The following CLMN variants were observed in gnomAD, a reference collection of about 807,000 sequenced individuals.
CLMN encodes the protein calmin.
A neutral mutation model predicts 92.7 loss-of-function variants in CLMN; 57 were observed. That is an observed-to-expected ratio of 0.61 (90% confidence interval 0.50 to 0.77). The LOEUF (loss-of-function observed/expected upper bound fraction) is 0.77, where lower values mean the gene tolerates loss of function less well. CLMN is among the 30% of genes least tolerant of loss of function. The probability of loss-of-function intolerance (pLI) is 0.00; values close to 1 mark genes in which losing one functional copy is unlikely to be tolerated. For missense variants in CLMN, 1,158 were observed against 1,237.5 expected (o/e 0.94, Z 0.96); for synonymous variants, 466 against 470.6 (o/e 0.99, Z 0.13).
chr14:95,253,557 C>T (rs1371926295), intron 1 of CLMN, among the ~76,000 whole-genome samples: 3 of 151,552 alleles, frequency 2.0e-5, no homozygotes, highest in Non-Finnish European at 4.4e-5. Context: ...CTAATATGGC[C>T]CAGTCATGTC....
rs1347415327 is a variant in CLMN, at chr14:95,294,911, A to G, written c.82+24800T>C. Among the ~76,000 whole-genome samples the G allele has an allele frequency of 6.6e-6, 1 of 152,202 alleles. No homozygotes were observed. The highest frequency in any genetic ancestry group is 1.5e-5 in the Non-Finnish European group (1 of 68,028). The stretch of plus-strand genomic sequence containing the variant: ...GCTGCATTCTTCCACCTGGGCCCCC[A>G]GCTCCAGCCAGAGTGCCCCTCACCA... On this transcript the variant is annotated intron_variant, in intron 1 of 12. Transcript: ENST00000298912. This position sits in a 1 kb window ranked among gnomAD's most constrained non-coding sequence, Gnocchi z 4.2.
intron 1 of CLMN, among the ~76,000 whole-genome samples, chr14:95,295,550 G>A (rs1176671838): frequency 6.6e-6 from 1 of 152,220 alleles, no homozygotes; most frequent in African/African-American, 2.4e-5. Context: ...GGTGTCAGGA[G>A]AGGACTCAGA....
chr14:95,230,160 G>A (rs1253312357), intron 1 of CLMN, 27 bp from the exon 2 acceptor site: 1 of 1,607,172 alleles, frequency 6.2e-7, no homozygotes, highest in Non-Finnish European at 8.5e-7. Flanking sequence ...ACCATCAGCT[G>A]GGAGAATAAG....
chr14:95,279,216 T>C (rs1900049471), intron 1 of CLMN, among the ~76,000 whole-genome samples: 1 of 152,240 alleles, frequency 6.6e-6, no homozygotes, highest in Non-Finnish European at 1.5e-5. Flanking sequence ...GAACTAAAGA[T>C]AGTTTTAAAG....
chr14:95,191,646 T>A lies in CLMN; in HGVS notation c.2927A>T (p.Asp976Val). 6.2e-7 allele frequency: 1 copy of A among 1,613,740 alleles called. No individual in the cohort carries two copies. The highest frequency in any genetic ancestry group is 8.5e-7 in the Non-Finnish European group (1 of 1,179,956). Residue 976 changes from aspartate to valine, a missense_variant, in exon 13 of 13, where the codon GAT becomes GTT. Asp to Val is a radical substitution (Grantham distance 152). Coordinates refer to ENST00000298912, the MANE Select transcript of CLMN (RefSeq NM_024734.4). The surrounding 1 kb of genome is among the most constrained non-coding windows in gnomAD (Gnocchi z 5.3). ...DSLTQLVQQP[D>V]MMYFILFLWL... is the part of the protein sequence containing the mutation. ...CAGGAAGAGAATAAAATACATCATA[T>A]CCGGCTGCTGGACAAGCTGTGTCAG...
intron 5 of CLMN, 27 bp downstream of exon 5, chr14:95,215,614 T>C: frequency 1.3e-6 from 2 of 1,583,656 alleles, no homozygotes; most frequent in Non-Finnish European, 1.7e-6. Context: ...ATCATGATTG[T>C]GTGTTTTGGA....
At position 95,194,082 on chromosome 14, in the gene CLMN, C is replaced by T; in HGVS notation, c.2770-163G>A. On this transcript the variant is annotated intron_variant, in intron 11 of 12. Coordinates refer to ENST00000298912, the MANE Select transcript of CLMN (RefSeq NM_024734.4). This position sits in a 1 kb window ranked among gnomAD's most constrained non-coding sequence, Gnocchi z 4.0. ...CAAAATCAAAGTGCTAAACAATATA[C>T]ATTCCTCTACCTCCTCCCCTAAGCC... 6.9e-7 allele frequency: 1 copy of T among 1,442,242 alleles called. No individual in the cohort carries two copies. Among genetic ancestry groups the T allele is most frequent in the East Asian group, 2.5e-5 (1 of 39,958 alleles). 89.3% of individuals were successfully genotyped at this position (1,442,242 alleles called of 1,614,324 possible).
chr14:95,213,555 T>C, intron 5 of CLMN, 146 bp from the exon 6 acceptor site: 1 of 705,568 alleles, frequency 1.4e-6, no homozygotes, highest in Non-Finnish European at 2.3e-6. Context: ...CCCTTTCTGA[T>C]GGCTGTGGCA....
rs1438444934 is a variant in CLMN, at chr14:95,189,336, G to A, written c.*2228C>T. ...AGGGGACTGCTAGTTCTTGTTAAAA[G>A]CCTTATTGTATTTCTTTTAATTTAA... is the stretch of plus-strand genomic sequence containing the variant. On this transcript the variant is annotated 3_prime_UTR_variant, in exon 13 of 13. Coordinates refer to ENST00000298912, the MANE Select transcript of CLMN (RefSeq NM_024734.4). 6.6e-6 allele frequency: 1 copy of A among 152,182 alleles called. No individual in the cohort carries two copies. Among genetic ancestry groups the A allele is most frequent in the Non-Finnish European group, 1.5e-5 (1 of 68,020 alleles). The allele number at this position is 152,182 out of a possible 1,614,324, so 9.4% of individuals were successfully genotyped here.
intron 1 of CLMN, among the ~76,000 whole-genome samples, chr14:95,318,540 G>C (rs181385797): frequency 1.4e-4 from 21 of 152,148 alleles, no homozygotes; most frequent in Admixed American, 1.1e-3. Flanking sequence ...TTGACTGCTC[G>C]GCCATCCCCC....
chr14:95,204,059 AG>A lies in CLMN; in HGVS notation c.1289del (p.Ala430ValfsTer28), dbSNP rs1267979566. On this transcript the variant is annotated frameshift_variant, in exon 9 of 13. Transcript: ENST00000298912. LOFTEE classifies it high-confidence loss of function. The part of the protein sequence containing the change: ...LPIKKTVHFE[A>X]DTYKDPFCSK... The stretch of plus-strand genomic sequence containing the variant: ...TGCAGAAAGGATCCTTGTAGGTGTC[AG>A]CCTCAAAGTGAACTGTTTTCTTGAT... 1.2e-6 allele frequency: 2 copies of A among 1,614,094 alleles called. No individual in the cohort carries two copies. Among genetic ancestry groups the A allele is most frequent in the African/African-American group, 2.7e-5 (2 of 74,906 alleles).
chr14:95,194,722 AC>A lies in CLMN; in HGVS notation c.2709-127del. 1.3e-6 allele frequency: 1 copy of A among 777,988 alleles called. No homozygotes were observed. Among genetic ancestry groups the A allele is most frequent in the Non-Finnish European group, 2.2e-6 (1 of 452,136 alleles). 48.2% of individuals were successfully genotyped at this position (777,988 alleles called of 1,614,324 possible). A position where few individuals can be genotyped will look rare whatever the true frequency, so the allele number is the denominator to read the frequency against. ...GCAAGCGACAACTTCACAGCCAGGGACAGAAATGACAGATTTTATATCTAAC... is the reference window on the plus strand; with the variant it reads ...GCAAGCGACAACTTCACAGCCAGGGAAGAAATGACAGATTTTATATCTAAC... On this transcript the variant is annotated intron_variant, in intron 10 of 12. Transcript: ENST00000298912. The surrounding 1 kb of genome is among the most constrained non-coding windows in gnomAD (Gnocchi z 4.0).
chr14:95,213,896 ATC>A (rs1897261249), intron 5 of CLMN, among the ~76,000 whole-genome samples: 1 of 152,160 alleles, frequency 6.6e-6, no homozygotes, highest in African/African-American at 2.4e-5. Context: ...TGGAATCAGA[ATC>A]TGTTTCAATA....
chr14:95,220,259 G>A lies in CLMN; in HGVS notation c.324+1432C>T, dbSNP rs550503222. Among the ~76,000 whole-genome samples the A allele has an allele frequency of 2.8e-4, 37 of 129,984 alleles. No individual in the cohort carries two copies. The South Asian group carries it at 7.5e-3, about 26-fold the overall frequency. 85.3% of individuals were successfully genotyped at this position (129,984 alleles called of 152,430 possible). A position where few individuals can be genotyped will look rare whatever the true frequency, so the allele number is the denominator to read the frequency against. On this transcript the variant is annotated intron_variant, in intron 4 of 12. Transcript: ENST00000298912. ...TGGCGAGATCTTAGCTCACTGAAAC[G>A]TCCGCCTCCAGGGCTCAAGCAATTC...
At chr14:95,264,958 T>C (rs1899413593) in intron 1 of CLMN, among the ~76,000 whole-genome samples, 2 of 139,878 alleles carry the variant, frequency 1.4e-5, no homozygotes, top group Non-Finnish European at 3.1e-5. Flanking sequence ...AAAAAAAAAT[T>C]AGCCAGGTGT....
At chr14:95,204,554 T>A in intron 8 of CLMN, 91 bp from the exon 9 acceptor site, 1 of 1,204,944 alleles carries the variant, frequency 8.3e-7, no homozygotes, top group Non-Finnish European at 1.1e-6. Flanking sequence ...GAAGAATATT[T>A]AAGTACAACC....
chr14:95,305,435 AAG>A (rs1477596224), intron 1 of CLMN, among the ~76,000 whole-genome samples: 1 of 152,258 alleles, frequency 6.6e-6, no homozygotes, highest in Non-Finnish European at 1.5e-5. Context: ...TTTGAAGAAT[AAG>A]AGAGAGTTCT....
intron 1 of CLMN, among the ~76,000 whole-genome samples, chr14:95,251,369 G>A (rs140854018): frequency 6.0e-4 from 91 of 152,280 alleles, no homozygotes; most frequent in African/African-American, 2.0e-3. Flanking sequence ...AAAGGGACTC[G>A]TCTCCTAGTC....
chr14:95,198,042 CTTTTTTTTTT>C (rs1019598103), intron 9 of CLMN, among the ~76,000 whole-genome samples: 7 of 69,966 alleles, frequency 1.0e-4, no homozygotes, highest in South Asian at 5.6e-4. Context: ...TTTTTTCTTT[CTTTTTTTTTT>C]TTTTTTTTTT....
Sources: gnomAD v4.1 joint callset for allele counts (sites outside exome capture counted in the v4.1 genomes callset) on GRCh38, gnomAD v4.1.1 for gene constraint, Gnocchi (gnomAD v3.1) non-coding constraint, MANE v1.5 for transcripts, NCBI Gene and HGNC (gene_info 2026-07-23, HGNC 2026-07-21) for gene names.